CAMTA1: variants seen among roughly 807,000 people sequenced by gnomAD.
CAMTA1 encodes the protein calmodulin-binding transcription activator 1.
CAMTA1 carries 27 observed loss-of-function variants against 170.9 expected under a neutral mutation model. That is an observed-to-expected ratio of 0.16 (90% CI 0.12 to 0.22). The LOEUF is 0.22. CAMTA1 is among the 10% of genes least tolerant of loss of function. The pLI, the probability that CAMTA1 is intolerant of heterozygous loss-of-function variation, is 1.00. For synonymous variants in CAMTA1, 833 were observed against 891.5 expected (o/e 0.93, Z 1.17); for missense variants, 1,619 against 2,217.2 (o/e 0.73, Z 5.42).
chr1:7,674,644 T>C lies in CAMTA1; in HGVS notation c.2780-2955T>C, dbSNP rs1356925557. 6.6e-6 allele frequency among the ~76,000 whole-genome samples: 1 copy of C among 152,012 alleles called. No homozygotes were observed. The highest frequency in any genetic ancestry group is 2.4e-5 in the African/African-American group (1 of 41,382). ...AAATACAAAAATTAGCTGGGCGTGGTGGCAGGCACCTGTAAGCTAGTAGGG... is the reference window on the plus strand; with the variant it reads ...AAATACAAAAATTAGCTGGGCGTGGCGGCAGGCACCTGTAAGCTAGTAGGG... On this transcript the variant is annotated intron_variant, in intron 10 of 22. Coordinates refer to ENST00000303635, the MANE Select transcript of CAMTA1 (RefSeq NM_015215.4). This position sits in a 1 kb window ranked among gnomAD's most constrained non-coding sequence, Gnocchi z 4.1.
At chr1:6,846,064 A>G (rs1322890230) in intron 3 of CAMTA1, among the ~76,000 whole-genome samples, 2 of 152,200 alleles carry the variant, frequency 1.3e-5, no homozygotes, top group East Asian at 3.9e-4. Flanking sequence ...TGAGAACAAT[A>G]TGGGGGAAAC....
At chr1:6,928,877 A>G (rs1260704902) in intron 3 of CAMTA1, among the ~76,000 whole-genome samples, 1 of 152,236 alleles carries the variant, frequency 6.6e-6, no homozygotes, top group Non-Finnish European at 1.5e-5. Flanking sequence ...TCATGCAGGC[A>G]GAGACCACGT....
intron 5 of CAMTA1, among the ~76,000 whole-genome samples, chr1:7,357,159 C>T (rs564830144): frequency 6.6e-5 from 10 of 152,336 alleles, no homozygotes; most frequent in South Asian, 4.1e-4. Flanking sequence ...AAGGGCCCTG[C>T]GATGTCATCC....
intron 6 of CAMTA1, among the ~76,000 whole-genome samples, chr1:7,537,788 C>G (rs770001038): frequency 6.6e-6 from 1 of 152,180 alleles, no homozygotes; most frequent in Non-Finnish European, 1.5e-5. Context: ...AGCAAATGCC[C>G]CCAAACCATG....
intron 5 of CAMTA1, among the ~76,000 whole-genome samples, chr1:7,310,682 C>CCTTTCTT (rs1676496858): frequency 2.7e-5 from 1 of 36,674 alleles, no homozygotes; most frequent in Non-Finnish European, 5.4e-5. Flanking sequence ...CTTTCTTTCT[C>CCTTTCTT]TCTCTCTCTC....
intron 5 of CAMTA1, among the ~76,000 whole-genome samples, chr1:7,288,285 T>G (rs1044300214): frequency 6.6e-6 from 1 of 152,148 alleles, no homozygotes; most frequent in African/African-American, 2.4e-5. Flanking sequence ...TAATCTAGAG[T>G]GCTTTCCTAA....
chr1:7,625,274 G>A (rs2095625872), intron 6 of CAMTA1, among the ~76,000 whole-genome samples: 1 of 152,256 alleles, frequency 6.6e-6, no homozygotes, highest in Non-Finnish European at 1.5e-5. Context: ...GGAGACTGGG[G>A]CGGTGGCCTC....
intron 5 of CAMTA1, among the ~76,000 whole-genome samples, chr1:7,250,036 C>T (rs1666383706): frequency 7.4e-6 from 1 of 134,790 alleles, no homozygotes; most frequent in African/African-American, 3.9e-5. Context: ...AGGCCCCTCA[C>T]AGAGCCTGGC....
chr1:7,716,357 AG>A (rs1451446997), intron 11 of CAMTA1, among the ~76,000 whole-genome samples: 75 of 152,178 alleles, frequency 4.9e-4, no homozygotes, highest in African/African-American at 1.8e-3. Flanking sequence ...TTTATCCATT[AG>A]GACCTATTTT....
At chr1:7,765,085 C>T (rs964617333) in intron 22 of CAMTA1, among the ~76,000 whole-genome samples, 6 of 152,174 alleles carry the variant, frequency 3.9e-5, no homozygotes, top group Admixed American at 3.3e-4. Context: ...CCACCTTTTC[C>T]TGATCATGCT....
intron 4 of CAMTA1, among the ~76,000 whole-genome samples, chr1:7,187,072 A>G (rs928498600): frequency 2.0e-5 from 3 of 152,062 alleles, no homozygotes; most frequent in African/African-American, 7.2e-5. Context: ...GGAATATAGG[A>G]TGGGCAGTGA....
At chr1:7,678,453 G>C (rs1265387614) in intron 11 of CAMTA1, among the ~76,000 whole-genome samples, 1 of 152,248 alleles carries the variant, frequency 6.6e-6, no homozygotes, top group Non-Finnish European at 1.5e-5. Context: ...GGGACTCCAA[G>C]AGCTGCCAGC....
intron 1 of CAMTA1, among the ~76,000 whole-genome samples, chr1:6,803,257 T>C (rs916112300): frequency 3.9e-5 from 6 of 152,206 alleles, no homozygotes; most frequent in Admixed American, 6.5e-5. Context: ...GATGGAGATG[T>C]GTATCCTTAG....
chr1:6,984,677 G>A (rs1695064221), intron 3 of CAMTA1, among the ~76,000 whole-genome samples: 1 of 152,196 alleles, frequency 6.6e-6, no homozygotes, highest in African/African-American at 2.4e-5. Context: ...CTTCAGGCAG[G>A]ACCTGGGCCA....
In CAMTA1 at chr1:7,720,699, A is replaced by G. The variant is rs1558216217; in HGVS notation, c.2915-11749A>G. On this transcript the variant is annotated intron_variant, in intron 11 of 22. Transcript: ENST00000303635. ...CCAAAGTTAGGGTTTGGTATTTTTC[A>G]TGAGAAACTCAGTGGCTATAGAAAA... Among the ~76,000 whole-genome samples the G allele has an allele frequency of 3.9e-5, 6 of 152,286 alleles. No individual in the cohort carries two copies. In the South Asian group the frequency reaches 1.2e-3, roughly 32 times the overall value.
At chr1:6,988,459 A>G (rs1046684365) in intron 3 of CAMTA1, among the ~76,000 whole-genome samples, 4 of 152,346 alleles carry the variant, frequency 2.6e-5, no homozygotes, top group Admixed American at 2.0e-4. Context: ...AGTATTGTAC[A>G]AAGTGATACT....
In CAMTA1 at chr1:7,738,460, G is replaced by A. The variant is rs74053331; in HGVS notation, c.4160G>A (p.Gly1387Asp). 334 of 1,613,964 alleles carry A rather than the reference G, an allele frequency of 2.1e-4. No individual in the cohort carries two copies. In the African/African-American group the frequency reaches 4.1e-3, roughly 20 times the overall value. The change falls in exon 16 of 23, where the codon GGC becomes GAC. Residue 1387 changes from glycine (G) to aspartate (D), a missense_variant. Physicochemically the swap from Gly to Asp is moderately conservative, Grantham distance 94. Coordinates refer to ENST00000303635, the MANE Select transcript of CAMTA1 (RefSeq NM_015215.4). This position sits in a 1 kb window ranked among gnomAD's most constrained non-coding sequence, Gnocchi z 4.9. ...YRDSAENEEC[G>D]QPMDDIQVNM... Reference sequence around the variant, plus strand: ...GATAGTGCAGAAAATGAAGAATGCGGCCAGCCCATGGATGACATACAGGTA... The same window carrying A: ...GATAGTGCAGAAAATGAAGAATGCGACCAGCCCATGGATGACATACAGGTA...
At position 7,488,885 on chromosome 1, in the gene CAMTA1, G is replaced by A. The variant is rs540653601; in HGVS notation, c.510+20984G>A. ...TATACACACAATACACATTGCAGAC[G>A]TGTACATATGTACATTTATACACAC... On this transcript the variant is annotated intron_variant, in intron 6 of 22. Transcript: ENST00000303635. Among the ~76,000 whole-genome samples the A allele has an allele frequency of 8.7e-4, 133 of 152,026 alleles. 4 individuals are homozygous for A. In the South Asian group the frequency reaches 0.026, roughly 29 times the overall value.
At chr1:7,379,536 C>T (rs998040615) in intron 5 of CAMTA1, among the ~76,000 whole-genome samples, 1 of 152,188 alleles carries the variant, frequency 6.6e-6, no homozygotes, top group African/African-American at 2.4e-5. Context: ...GTATTTCAAA[C>T]CGCTGGCAGA....
Sources: gnomAD v4.1 joint callset for allele counts (sites outside exome capture counted in the v4.1 genomes callset) on GRCh38, gnomAD v4.1.1 for gene constraint, Gnocchi (gnomAD v3.1) non-coding constraint, MANE v1.5 for transcripts, NCBI Gene and HGNC (gene_info 2026-07-23, HGNC 2026-07-21) for gene names.